The following MORC1 variants were observed in gnomAD, a reference collection of about 807,000 sequenced individuals.
The protein encoded by MORC1 is MORC family CW-type zinc finger protein 1.
Under a neutral mutation model 134.9 loss-of-function variants are expected in MORC1, and 59 were observed. That is an observed-to-expected ratio of 0.44 (90% CI 0.35 to 0.54). The LOEUF (loss-of-function observed/expected upper bound fraction) is 0.54, where lower values mean the gene tolerates loss of function less well. MORC1 is among the 20% of genes least tolerant of loss of function. The probability of loss-of-function intolerance (pLI) is 0.00; values close to 1 mark genes in which losing one functional copy is unlikely to be tolerated. For missense variants in MORC1, 947 were observed against 1,134.5 expected, an observed-to-expected ratio of 0.83 and a Z score of 2.37; for synonymous variants, 395 against 391.7, an observed-to-expected ratio of 1.01 and a Z score of -0.10.
intron 17 of MORC1, among the ~76,000 whole-genome samples, chr3:109,011,694 T>C (rs994203153): frequency 1.3e-5 from 2 of 152,150 alleles, no homozygotes; most frequent in Non-Finnish European, 2.9e-5. Flanking sequence ...GCTAATTTTG[T>C]ATTTTTAGCA....
intron 3 of MORC1, among the ~76,000 whole-genome samples, chr3:109,106,766 A>C (rs969370804): frequency 2.0e-5 from 3 of 152,150 alleles, no homozygotes; most frequent in Non-Finnish European, 4.4e-5. Flanking sequence ...CTGGGGATAC[A>C]GACACCATCT....
chr3:109,009,721 TA>T (rs1948637936), intron 17 of MORC1, among the ~76,000 whole-genome samples: 1 of 152,232 alleles, frequency 6.6e-6, no homozygotes, highest in African/African-American at 2.4e-5. Flanking sequence ...AAGGAATCTA[TA>T]TTTTTTTTTT....
chr3:109,071,330 C>A (rs555256409), intron 8 of MORC1, among the ~76,000 whole-genome samples: 1 of 152,070 alleles, frequency 6.6e-6, no homozygotes, highest in African/African-American at 2.4e-5. Flanking sequence ...TATACACACA[C>A]ACATATATGT....
At chr3:109,075,081 C>T (rs1289911086) in intron 8 of MORC1, among the ~76,000 whole-genome samples, 1 of 152,188 alleles carries the variant, frequency 6.6e-6, no homozygotes, top group Non-Finnish European at 1.5e-5. Context: ...TCCATGTTTT[C>T]TAGTTCTATA....
intron 23 of MORC1, among the ~76,000 whole-genome samples, chr3:108,983,751 G>A (rs372924556): frequency 6.6e-6 from 1 of 152,166 alleles, no homozygotes; most frequent in African/African-American, 2.4e-5. Context: ...GAGAGTCAAG[G>A]AGACCCTAAA....
At chr3:109,018,226 A>G (rs1162675479) in intron 17 of MORC1, among the ~76,000 whole-genome samples, 1 of 152,150 alleles carries the variant, frequency 6.6e-6, no homozygotes, top group Non-Finnish European at 1.5e-5. Context: ...TAGAGAAAAT[A>G]CTTTTATGTT....
chr3:109,049,589 G>A (rs574483827), intron 14 of MORC1, among the ~76,000 whole-genome samples: 46 of 152,126 alleles, frequency 3.0e-4, no homozygotes, highest in Admixed American at 5.9e-4. Context: ...CTAATAAGGC[G>A]ATAAACTTTA....
chr3:109,031,843 A>T (rs902965301), intron 16 of MORC1, among the ~76,000 whole-genome samples: 1 of 152,066 alleles, frequency 6.6e-6, no homozygotes, highest in Non-Finnish European at 1.5e-5. Context: ...TTTATTTGGG[A>T]AAAACAAGGT....
At chr3:109,060,497 A>T (rs7627562) in intron 11 of MORC1, among the ~76,000 whole-genome samples, 3 of 151,600 alleles carry the variant, frequency 2.0e-5, no homozygotes, top group African/African-American at 7.3e-5. Context: ...TGTTGTTCTC[A>T]GGCATAAGAA....
intron 4 of MORC1, among the ~76,000 whole-genome samples, chr3:109,102,716 T>A (rs1950952900): frequency 6.6e-6 from 1 of 152,218 alleles, no homozygotes. Flanking sequence ...CTTCTTTTCA[T>A]AAGGAATTCC....
chr3:109,105,161 T>C (rs1951003250), intron 3 of MORC1, among the ~76,000 whole-genome samples: 1 of 152,182 alleles, frequency 6.6e-6, no homozygotes, highest in Admixed American at 6.5e-5. Flanking sequence ...GGAGGGAGGA[T>C]GGCTTGAGCC....
At chr3:109,097,026 G>C (rs1415086472) in intron 6 of MORC1, among the ~76,000 whole-genome samples, 1 of 152,104 alleles carries the variant, frequency 6.6e-6, no homozygotes, top group Admixed American at 6.6e-5. Context: ...GCTATTACAA[G>C]AAACTATCCC....
Position 108,975,310 on chromosome 3 carries a change from AC to A in MORC1, c.2478-3909del, listed in dbSNP as rs1266302899. ...TAATAATGTTTTTTGGCAGACCTCA[AC>A]TGCTAGTATATGTATTTTCATGGCC... On this transcript the variant is annotated intron_variant, in intron 24 of 27. Coordinates refer to ENST00000232603, the MANE Select transcript of MORC1 (RefSeq NM_014429.4). Among the ~76,000 whole-genome samples, 7 of 152,354 alleles carry A rather than the reference AC, an allele frequency of 4.6e-5. No individual in the cohort carries two copies. The East Asian group carries it at 1.3e-3, about 29-fold the overall frequency.
chr3:109,015,019 G>A (rs2107561854), intron 17 of MORC1, among the ~76,000 whole-genome samples: 1 of 152,200 alleles, frequency 6.6e-6, no homozygotes, highest in Admixed American at 6.5e-5. Context: ...CCGAGTAGCT[G>A]GGGTTACAGG....
chr3:109,095,797 G>A (rs1576738390), intron 6 of MORC1, among the ~76,000 whole-genome samples: 1 of 151,928 alleles, frequency 6.6e-6, no homozygotes, highest in Non-Finnish European at 1.5e-5. Context: ...CAACCCAGAA[G>A]GAAAGACACA....
chr3:109,035,907 A>AT (rs1412234758), intron 14 of MORC1, among the ~76,000 whole-genome samples: 2 of 152,024 alleles, frequency 1.3e-5, no homozygotes, highest in Non-Finnish European at 2.9e-5. Flanking sequence ...TTTAATCTTT[A>AT]TTTTATCTCT....
chr3:109,099,298 A>T (rs1047198518), intron 6 of MORC1, 60 bp downstream of exon 6: 1 of 1,207,850 alleles, frequency 8.3e-7, no homozygotes, highest in Non-Finnish European at 1.2e-6. Flanking sequence ...TCACCTCCTG[A>T]GAGAGTAAAT....
intron 1 of MORC1, among the ~76,000 whole-genome samples, chr3:109,114,870 G>A (rs1288386139): frequency 6.6e-6 from 1 of 152,258 alleles, no homozygotes; most frequent in Admixed American, 6.5e-5. Context: ...GCAGGCAAAG[G>A]AACTGGCAGG....
At chr3:109,103,277 T>C (rs1361297646) in intron 4 of MORC1, among the ~76,000 whole-genome samples, 1 of 152,232 alleles carries the variant, frequency 6.6e-6, no homozygotes, top group Non-Finnish European at 1.5e-5. Flanking sequence ...AGACACTGTA[T>C]ACCCATAATG....
Sources: gnomAD v4.1 joint callset for allele counts (sites outside exome capture counted in the v4.1 genomes callset) on GRCh38, gnomAD v4.1.1 for gene constraint, MANE v1.5 for transcripts, NCBI Gene and HGNC (gene_info 2026-07-23, HGNC 2026-07-21) for gene names.